The following ATP6AP1 variants were observed in gnomAD, a reference collection of about 807,000 sequenced individuals.
ATP6AP1 encodes ATPase H+ transporting accessory protein 1.
ATP6AP1 carries 1 observed loss-of-function variant against 32.0 expected under a neutral mutation model. That is an observed-to-expected ratio of 0.03 (90% CI 0.01 to 0.15). The LOEUF (loss-of-function observed/expected upper bound fraction) is 0.15. Among genes scored for constraint, ATP6AP1 ranks in the 10% least tolerant of loss-of-function variants. ATP6AP1 has a pLI of 1.00. For synonymous variants in ATP6AP1, 187 were observed against 174.9 expected (o/e 1.07, Z -0.55); for missense variants, 297 against 398.8 (o/e 0.74, Z 2.17).
rs782208675 is a variant in ATP6AP1, at chrX:154,434,297, G to T, written c.774G>T (p.Val258=). The T allele has an allele frequency of 1.7e-6, 2 of 1,211,856 alleles. No individual in the cohort carries two copies. The highest frequency in any genetic ancestry group is 4.3e-5 in the Admixed American group (2 of 46,057). Residue 258 remains valine, a synonymous_variant, in exon 7 of 10, where the codon GTG becomes GTT. Transcript: ENST00000369762. ...QPVSPVIHPP[V]SYNDTAPRIL... The stretch of plus-strand genomic sequence containing the variant: ...TATCACCTGTGATCCATCCTCCTGT[G>T]AGTTACAATGACACCGCTCCCCGGA...
rs2068718577 is a variant in ATP6AP1 at position 154,436,161 on chromosome X, A to G, written c.*270A>G. ...GTGAGGCGTAAGGGACATGAATTCTAGGGTCTCCTTTCTCCTTATTTATTC... is the reference window on the plus strand; with the variant it reads ...GTGAGGCGTAAGGGACATGAATTCTGGGGTCTCCTTTCTCCTTATTTATTC... On this transcript the variant is annotated 3_prime_UTR_variant, in exon 10 of 10. Transcript: ENST00000369762. 1 of 383,687 alleles carries G rather than the reference A, an allele frequency of 2.6e-6. No homozygotes were observed. The highest frequency in any genetic ancestry group is 4.5e-6 in the Non-Finnish European group (1 of 220,841). The allele number at this position is 383,687 out of a possible 1,213,427, so 31.6% of individuals were successfully genotyped here.
At chrX:154,430,128 C>T (rs1331814554) in intron 2 of ATP6AP1, 2 of 96,106 alleles carry the variant, frequency 2.1e-5, no homozygotes, top group African/African-American at 8.0e-5. Context: ...TTTTTTGAGA[C>T]GGAGTCTCGC....
At chrX:154,435,029 G>T (rs939771293) in intron 7 of ATP6AP1, 110 bp from the exon 8 acceptor site, 1 of 881,386 alleles carries the variant, frequency 1.1e-6, no homozygotes, top group Non-Finnish European at 1.6e-6. Context: ...TCAGGTGGCT[G>T]CAAGGACCCA....
intron 4 of ATP6AP1, among the ~76,000 whole-genome samples, chrX:154,432,710 C>T (rs782152526): frequency 5.3e-5 from 6 of 112,209 alleles, no homozygotes; most frequent in African/African-American, 1.9e-4. Flanking sequence ...GGGGAGCCTT[C>T]TCACCTAGCC....
In ATP6AP1 at chrX:154,432,441, G is replaced by C; in HGVS notation, c.539G>C (p.Arg180Pro). ...NASLPALLLI[R>P]LPYTASSGLM... is the part of the protein sequence containing the mutation. ...AGCCTCCCTGCTCTGCTGCTCATTC[G>C]CCTGCCCTACACAGCCAGGTACTGC... The change falls in exon 4 of 10, where the codon CGC (arginine) becomes CCC (proline). Residue 180 changes from arginine (R) to proline (P), a missense_variant. Around this residue, in one of 2 missense-constraint regions of ATP6AP1, gnomAD observed 155 missense variants for 253.8 expected, o/e 0.61. Coordinates refer to ENST00000369762, the MANE Select transcript of ATP6AP1 (RefSeq NM_001183.6). The C allele has an allele frequency of 8.4e-7, 1 of 1,189,002 alleles. No homozygotes were observed. Among genetic ancestry groups the C allele is most frequent in the Non-Finnish European group, 1.1e-6 (1 of 884,060 alleles).
intron 5 of ATP6AP1, among the ~76,000 whole-genome samples, chrX:154,433,333 A>T (rs1569553267): frequency 8.9e-6 from 1 of 112,756 alleles, no homozygotes; most frequent in Non-Finnish European, 1.9e-5. Context: ...GTCACTCCCC[A>T]TGGAAAGGCA....
chrX:154,429,448 A>T (rs1163184530), intron 2 of ATP6AP1: 4 of 293,902 alleles, frequency 1.4e-5, no homozygotes, highest in African/African-American at 1.1e-4. Context: ...ACTTAGTCCA[A>T]TATGGTGGGT....
intron 1 of ATP6AP1, 34 bp downstream of exon 1, chrX:154,428,887 C>G: frequency 5.5e-6 from 6 of 1,085,813 alleles, no homozygotes; most frequent in Non-Finnish European, 7.1e-6. Context: ...GCTGTGGCGG[C>G]TGAGGCGCCC....
intron 3 of ATP6AP1, 40 bp from the exon 4 acceptor site, chrX:154,432,226 C>T: frequency 8.8e-7 from 1 of 1,135,671 alleles, no homozygotes; most frequent in Middle Eastern, 2.6e-4. Flanking sequence ...GGCCCACTGG[C>T]CCCTGGCTAA....
chrX:154,431,677 C>T, intron 2 of ATP6AP1, 153 bp from the exon 3 acceptor site: 1 of 521,423 alleles, frequency 1.9e-6, no homozygotes, highest in Non-Finnish European at 3.3e-6. Flanking sequence ...CCACCCCACC[C>T]CCACCAACAC....
chrX:154,432,170 G>A, intron 3 of ATP6AP1, 96 bp from the exon 4 acceptor site: 1 of 896,137 alleles, frequency 1.1e-6, no homozygotes, highest in Non-Finnish European at 1.5e-6. Flanking sequence ...TTATGGGTAT[G>A]GCTTGCCAGA....
At chrX:154,430,859 A>G (rs1603383983) in intron 2 of ATP6AP1, 1 of 111,089 alleles carries the variant, frequency 9.0e-6, no homozygotes, top group African/African-American at 3.3e-5. Context: ...CAGCTCAAGG[A>G]AGAGCTGGTG....
At chrX:154,433,546 TAGA>T (rs2068704718) in intron 5 of ATP6AP1, 86 bp from the exon 6 acceptor site, 1 of 943,850 alleles carries the variant, frequency 1.1e-6, no homozygotes, top group Non-Finnish European at 1.5e-6. Flanking sequence ...TCAGATGGTC[TAGA>T]AGGTTTCTAA....
chrX:154,435,315 A>G lies in ATP6AP1; in HGVS notation c.1013A>G (p.His338Arg). The G allele has an allele frequency of 1.7e-6, 2 of 1,211,903 alleles. No individual in the cohort carries two copies. The highest frequency in any genetic ancestry group is 2.2e-6 in the Non-Finnish European group (2 of 895,505). ...ANRLYPVSARHWFTMERLEVH... is the reference protein window; with the variant it reads ...ANRLYPVSARRWFTMERLEVH... ...CGCCTCTACCCAGTGTCTGCCCGGC[A>G]CTGGTTTACCATGGAGCGCCTCGAA... The change falls in exon 9 of 10, where the codon CAC (histidine) becomes CGC (arginine). Residue 338 changes from histidine (H) to arginine (R), a missense_variant. By Grantham distance (29) the His-to-Arg change is conservative (BLOSUM62 0). Around this residue, in one of 2 missense-constraint regions of ATP6AP1, gnomAD observed 155 missense variants for 253.8 expected, o/e 0.61. Transcript: ENST00000369762.
At chrX:154,434,632 G>C (rs1339051842) in intron 7 of ATP6AP1, among the ~76,000 whole-genome samples, 186 bp downstream of exon 7, 1 of 111,520 alleles carries the variant, frequency 9.0e-6, no homozygotes, top group Non-Finnish European at 1.9e-5. Context: ...GTTGGAGGGG[G>C]AGTTGCTCAG....
In ATP6AP1 at chrX:154,429,123, T is replaced by C; in HGVS notation, c.237T>C (p.Asp79=). 1 of 1,211,500 alleles carries C rather than the reference T, an allele frequency of 8.3e-7. No individual in the cohort carries two copies. The highest frequency in any genetic ancestry group is 1.1e-6 in the Non-Finnish European group (1 of 895,402). Residue 79 remains aspartate (D), a synonymous_variant, in exon 2 of 10, where the codon GAT becomes GAC. Transcript: ENST00000369762. ...ACTTGCAGCTCTCTACCTACTTAGA[T>C]CCCGCCCTGGAGCTGGGTCCCAGGA... ...TSDLQLSTYL[D]PALELGPRNV... is the part of the protein sequence containing the mutation.
Position 154,436,064 on chromosome X carries a change from C to G in ATP6AP1, c.*173C>G. 2.1e-6 allele frequency: 1 copy of G among 478,237 alleles called. No homozygotes were observed. Among genetic ancestry groups the G allele is most frequent in the Admixed American group, 3.7e-5 (1 of 26,928 alleles). The allele number at this position is 478,237 out of a possible 1,213,427, so 39.4% of individuals were successfully genotyped here. A position where few individuals can be genotyped will look rare whatever the true frequency, so the allele number is the denominator to read the frequency against. ...CGCTGAGGAGCTTTCTTGGGCTGCCCCCATCTCTCCCAACAAGGTGTACAT... is the reference window on the plus strand; with the variant it reads ...CGCTGAGGAGCTTTCTTGGGCTGCCGCCATCTCTCCCAACAAGGTGTACAT... On this transcript the variant is annotated 3_prime_UTR_variant, in exon 10 of 10. Coordinates refer to ENST00000369762, the MANE Select transcript of ATP6AP1 (RefSeq NM_001183.6).
chrX:154,436,454 C>T lies in ATP6AP1; in HGVS notation c.*563C>T, dbSNP rs1603384705. On this transcript the variant is annotated 3_prime_UTR_variant, in exon 10 of 10. Transcript: ENST00000369762. ...TTTGGCATGTTCCCACCGGGAGTGCCGGGCAGGAGCATGGGGTGCTTGGTT... is the reference window on the plus strand; with the variant it reads ...TTTGGCATGTTCCCACCGGGAGTGCTGGGCAGGAGCATGGGGTGCTTGGTT... 1.8e-5 allele frequency: 2 copies of T among 112,731 alleles called. No homozygotes were observed. Among genetic ancestry groups the T allele is most frequent in the Non-Finnish European group, 3.7e-5 (2 of 54,045 alleles). 9.3% of individuals were successfully genotyped at this position (112,731 alleles called of 1,213,427 possible). A position where few individuals can be genotyped will look rare whatever the true frequency, so the allele number is the denominator to read the frequency against.
In ATP6AP1 at chrX:154,435,949, C is replaced by A; in HGVS notation, c.*58C>A. The A allele has an allele frequency of 9.3e-7, 1 of 1,071,871 alleles. No homozygotes were observed. The highest frequency in any genetic ancestry group is 1.3e-6 in the Non-Finnish European group (1 of 773,917). 88.3% of individuals were successfully genotyped at this position (1,071,871 alleles called of 1,213,427 possible). On this transcript the variant is annotated 3_prime_UTR_variant, in exon 10 of 10. Transcript: ENST00000369762. ...GGTGTCCGTGTTGTTGCTTTCCCAC[C>A]CTGCAGCGCACTGGACTGAAGAGCT...
Sources: allele counts gnomAD v4.1 joint callset (sites outside exome capture counted in the v4.1 genomes callset), GRCh38; gene constraint gnomAD v4.1.1; regional missense constraint gnomAD v4.1.1; transcripts MANE v1.5; gene names NCBI Gene and HGNC (gene_info 2026-07-23, HGNC 2026-07-21).